CUL9: variants seen among roughly 807,000 people sequenced by gnomAD.
CUL9 encodes the protein cullin 9.
Under a neutral mutation model 272.6 loss-of-function variants are expected in CUL9, and 79 were observed. That is an observed-to-expected ratio of 0.29 (90% CI 0.24 to 0.35). CUL9 has a LOEUF of 0.35. Among genes scored for constraint, CUL9 ranks in the 10% least tolerant of loss-of-function variants. The probability of loss-of-function intolerance (pLI) is 1.00; values close to 1 mark genes in which losing one functional copy is unlikely to be tolerated. For synonymous variants in CUL9, 1,186 were observed against 1,286.5 expected (o/e 0.92, Z 1.67); for missense variants, 2,532 against 3,255.6 (o/e 0.78, Z 5.41).
chr6:43,184,419 G>A lies in CUL9; in HGVS notation c.109G>A (p.Glu37Lys), dbSNP rs1772729925. 1 of 1,613,672 alleles carries A rather than the reference G, an allele frequency of 6.2e-7. No homozygotes were observed. The highest frequency in any genetic ancestry group is 8.5e-7 in the Non-Finnish European group (1 of 1,179,856). The stretch of plus-strand genomic sequence containing the variant: ...GAGGCCTGGGCATGACGGGCATCCT[G>A]AATACCTGATCCGATGGAGTGTCCT... ...RQRPGHDGHP[E>K]YLIRWSVLKC... is the part of the protein sequence containing the mutation. The change falls in exon 2 of 41, where the codon GAA (glutamate) becomes AAA (lysine). Residue 37 changes from glutamate (E) to lysine (K), a missense_variant. By Grantham distance (56) the Glu-to-Lys change is moderately conservative (BLOSUM62 1). Around this residue, in one of 3 missense-constraint regions of CUL9, gnomAD observed 2,218 missense variants for 2,788.6 expected, o/e 0.80. Coordinates refer to ENST00000252050, the MANE Select transcript of CUL9 (RefSeq NM_015089.4). This position sits in a 1 kb window ranked among gnomAD's most constrained non-coding sequence, Gnocchi z 4.8.
Position 43,188,693 on chromosome 6 carries a change from G to C in CUL9, c.2158G>C (p.Val720Leu), listed in dbSNP as rs777266846. ...EEVTERDHPL[V>L]RPDRSLREKL... ...GGTCACTGAGCGGGACCACCCTCTG[G>C]TCCGTCCTGACAGATCGCTGAGGTT... The change falls in exon 8 of 41, where the codon GTC becomes CTC. Residue 720 changes from valine to leucine, a missense_variant. Physicochemically the swap from Val to Leu is conservative, Grantham distance 32. Around this residue, in one of 3 missense-constraint regions of CUL9, gnomAD observed 2,218 missense variants for 2,788.6 expected, o/e 0.80. Transcript: ENST00000252050. The C allele has an allele frequency of 3.7e-6, 6 of 1,613,360 alleles. No individual in the cohort carries two copies. Among genetic ancestry groups the C allele is most frequent in the Non-Finnish European group, 5.1e-6 (6 of 1,179,710 alleles).
rs1445215227 is a variant in CUL9 at position 43,186,268 on chromosome 6, C to T, written c.1064C>T (p.Thr355Ile). ...PSLLLPTIVT[T>I]PRRQGWVFRQ... ...CTTTTACTCCCCACCATTGTCACCA[C>T]CCCCAGAAGACAAGGGTGGGTCTTC... is the stretch of plus-strand genomic sequence containing the variant. Residue 355 changes from threonine (T) to isoleucine (I), a missense_variant, in exon 4 of 41, where the codon ACC (threonine) becomes ATC (isoleucine). Physicochemically the swap from Thr to Ile is moderately conservative, Grantham distance 89. Transcript: ENST00000252050. The T allele has an allele frequency of 3.1e-6, 5 of 1,614,104 alleles. No homozygotes were observed. The highest frequency in any genetic ancestry group is 4.2e-6 in the Non-Finnish European group (5 of 1,180,056).
In CUL9 at chr6:43,220,625, T is replaced by C; in HGVS notation, c.6423+26T>C. On this transcript the variant is annotated intron_variant, in intron 32 of 40. Transcript: ENST00000252050. This position sits in a 1 kb window ranked among gnomAD's most constrained non-coding sequence, Gnocchi z 4.9. The stretch of plus-strand genomic sequence containing the variant: ...GTATCCCCTCTCGTCTGAGAGAGGC[T>C]CCAGTGCAGAGCCAAAGGAGTGTGC... 4 of 1,613,080 alleles carry C rather than the reference T, an allele frequency of 2.5e-6. No individual in the cohort carries two copies. The highest frequency in any genetic ancestry group is 3.4e-6 in the Non-Finnish European group (4 of 1,179,476).
In CUL9 at chr6:43,213,857, G is replaced by A. The variant is rs376937379; in HGVS notation, c.5633G>A (p.Arg1878His). Reference sequence around the variant, plus strand: ...AATCTCTTGAGCTGTCTTCTTGTTCGTATTCTCAAAGCCCATGGGGAAAAG... The same window carrying A: ...AATCTCTTGAGCTGTCTTCTTGTTCATATTCTCAAAGCCCATGGGGAAAAG... ...KRNLLSCLLV[R>H]ILKAHGEKGL... The change falls in exon 29 of 41, where the codon CGT becomes CAT. Residue 1878 changes from arginine (R) to histidine (H), a missense_variant. Around this residue, in one of 3 missense-constraint regions of CUL9, gnomAD observed 2,218 missense variants for 2,788.6 expected, o/e 0.80. Transcript: ENST00000252050. This position sits in a 1 kb window ranked among gnomAD's most constrained non-coding sequence, Gnocchi z 5.7. The A allele has an allele frequency of 1.1e-4, 171 of 1,614,164 alleles. No individual in the cohort carries two copies. Among genetic ancestry groups the A allele is most frequent in the Non-Finnish European group, 1.3e-4 (158 of 1,180,042 alleles).
chr6:43,207,415 T>C (rs1352362995), intron 26 of CUL9, among the ~76,000 whole-genome samples: 1 of 152,228 alleles, frequency 6.6e-6, no homozygotes. Context: ...CTGATGTCTT[T>C]CACGAAACAT....
At position 43,199,561 on chromosome 6, in the gene CUL9, A is replaced by G. The variant is rs1774337753; in HGVS notation, c.3156+190A>G. On this transcript the variant is annotated intron_variant, in intron 13 of 40. Coordinates refer to ENST00000252050, the MANE Select transcript of CUL9 (RefSeq NM_015089.4). This position sits in a 1 kb window ranked among gnomAD's most constrained non-coding sequence, Gnocchi z 4.4. The stretch of plus-strand genomic sequence containing the variant: ...GGAATCTTTGAAGTATAAACCTTTT[A>G]GATGATTTTAGATTTGGAGTTTAGA... Among the ~76,000 whole-genome samples, 1 of 152,266 alleles carries G rather than the reference A, an allele frequency of 6.6e-6. No homozygotes were observed. Among genetic ancestry groups the G allele is most frequent in the South Asian group, 2.1e-4 (1 of 4,838 alleles).
Position 43,220,419 on chromosome 6 carries a change from C to T in CUL9, c.6283-40C>T. ...CAGGACACTCCCCCTGTGCTGCTCC[C>T]ACACTGTCTGTGAGCAGCCCCTCCT... is the stretch of plus-strand genomic sequence containing the variant. On this transcript the variant is annotated intron_variant, in intron 31 of 40. Transcript: ENST00000252050. This position sits in a 1 kb window ranked among gnomAD's most constrained non-coding sequence, Gnocchi z 4.9. The T allele has an allele frequency of 1.2e-6, 2 of 1,611,560 alleles. No individual in the cohort carries two copies. The highest frequency in any genetic ancestry group is 1.7e-6 in the Non-Finnish European group (2 of 1,178,460).
chr6:43,206,485 C>T lies in CUL9; in HGVS notation c.5187C>T (p.Asp1729=). Residue 1729 remains aspartate, a synonymous_variant, in exon 26 of 41, where the codon GAC becomes GAT. Transcript: ENST00000252050. This position sits in a 1 kb window ranked among gnomAD's most constrained non-coding sequence, Gnocchi z 4.8. ...CLPTEFCDAL[D]RFSSFYSQSQ... ...CCACAGAATTCTGTGATGCCCTTGA[C>T]CGTTTCTCCAGTTTCTACAGCCAGA... 1.2e-6 allele frequency: 2 copies of T among 1,614,168 alleles called. No homozygotes were observed. The highest frequency in any genetic ancestry group is 1.7e-6 in the Non-Finnish European group (2 of 1,180,030).
At chr6:43,195,703 G>A (rs1480214326) in intron 9 of CUL9, among the ~76,000 whole-genome samples, 6 of 152,144 alleles carry the variant, frequency 3.9e-5, no homozygotes, top group Admixed American at 1.3e-4. Context: ...AGCCCCTGAA[G>A]ACAACTAGAT....
chr6:43,196,630 C>T lies in CUL9; in HGVS notation c.2586-15C>T. On this transcript the variant is annotated splice_polypyrimidine_tract_variant and intron_variant, in intron 10 of 40. Transcript: ENST00000252050. ...TGGTCTCTCAGTTTCTTCCTGGTCA[C>T]CTCCCTCCTCCCAGGTGCTCTTCTG... 1 of 1,607,212 alleles carries T rather than the reference C, an allele frequency of 6.2e-7. No individual in the cohort carries two copies. Among genetic ancestry groups the T allele is most frequent in the Non-Finnish European group, 8.5e-7 (1 of 1,173,726 alleles).
Position 43,213,746 on chromosome 6 carries a change from G to A in CUL9, c.5522G>A (p.Arg1841His), listed in dbSNP as rs773057626. The A allele has an allele frequency of 4.6e-5, 74 of 1,613,682 alleles. No homozygotes were observed. The highest frequency in any genetic ancestry group is 5.9e-5 in the Non-Finnish European group (70 of 1,180,026). Residue 1841 changes from arginine (R) to histidine (H), a missense_variant, in exon 29 of 41, where the codon CGC (arginine) becomes CAC (histidine). Arg to His is a conservative substitution (Grantham distance 29). Around this residue, in one of 3 missense-constraint regions of CUL9, gnomAD observed 2,218 missense variants for 2,788.6 expected, o/e 0.80. Transcript: ENST00000252050. This position sits in a 1 kb window ranked among gnomAD's most constrained non-coding sequence, Gnocchi z 5.7. ...CGGCTTCATGAGCCTGGGCCCCAGCGCAGTGGGGAGGCCCTGTGGCTGATA... is the reference window on the plus strand; with the variant it reads ...CGGCTTCATGAGCCTGGGCCCCAGCACAGTGGGGAGGCCCTGTGGCTGATA... ...VLRLHEPGPQ[R>H]SGEALWLIPP... is the part of the protein sequence containing the mutation.
intron 29 of CUL9, 29 bp from the exon 30 acceptor site, chr6:43,215,050 G>A: frequency 6.4e-7 from 1 of 1,565,108 alleles, no homozygotes; most frequent in Non-Finnish European, 8.7e-7. Context: ...ACATAAAAGT[G>A]GACTTCTTGT....
chr6:43,224,276 C>G lies in CUL9; in HGVS notation c.7385C>G (p.Ala2462Gly). The G allele has an allele frequency of 6.2e-7, 1 of 1,614,120 alleles. No individual in the cohort carries two copies. Among genetic ancestry groups the G allele is most frequent in the Non-Finnish European group, 8.5e-7 (1 of 1,180,000 alleles). ...SQPQASSGPE[A>G]EEEEEDDEDD... ...CCCCAGGCCTCCTCAGGGCCAGAGG[C>G]AGAAGAGGAGGAGGAAGACGATGAG... The change falls in exon 41 of 41, where the codon GCA becomes GGA. Residue 2462 changes from alanine (A) to glycine (G), a missense_variant. By Grantham distance (60) the Ala-to-Gly change is moderately conservative. Around this residue, in one of 3 missense-constraint regions of CUL9, gnomAD observed 237 missense variants for 305.9 expected, o/e 0.77. Coordinates refer to ENST00000252050, the MANE Select transcript of CUL9 (RefSeq NM_015089.4). This position sits in a 1 kb window ranked among gnomAD's most constrained non-coding sequence, Gnocchi z 4.2.
chr6:43,205,183 C>T (rs909065052), intron 23 of CUL9, 68 bp downstream of exon 23: 33 of 1,585,098 alleles, frequency 2.1e-5, no homozygotes, highest in Non-Finnish European at 2.8e-5. Flanking sequence ...CTGCTCTGCC[C>T]TTTCACCTCC....
At position 43,203,713 on chromosome 6, in the gene CUL9, AC is replaced by A; in HGVS notation, c.4025+122del. 1 of 1,504,908 alleles carries A rather than the reference AC, an allele frequency of 6.6e-7. No homozygotes were observed. The highest frequency in any genetic ancestry group is 9.0e-7 in the Non-Finnish European group (1 of 1,114,716). 93.2% of individuals were successfully genotyped at this position (1,504,908 alleles called of 1,614,324 possible). ...AGCCAGGACATGAGGGGGAAGGTGA[AC>A]GTAGGTGAGAAGTTTGTGTTAATTG... On this transcript the variant is annotated intron_variant, in intron 19 of 40. Transcript: ENST00000252050. The surrounding 1 kb of genome is among the most constrained non-coding windows in gnomAD (Gnocchi z 5.0).
Position 43,203,375 on chromosome 6 carries a change from C to T in CUL9, c.3850-42C>T. The T allele has an allele frequency of 6.2e-7, 1 of 1,610,168 alleles. No individual in the cohort carries two copies. The highest frequency in any genetic ancestry group is 1.3e-5 in the African/African-American group (1 of 74,976). ...GCTTGGCTTTGGTAGTACTTAGTGG[C>T]TCAAGCGGCTTGGGTGACAGATAAG... On this transcript the variant is annotated intron_variant, in intron 18 of 40. Coordinates refer to ENST00000252050, the MANE Select transcript of CUL9 (RefSeq NM_015089.4). This position sits in a 1 kb window ranked among gnomAD's most constrained non-coding sequence, Gnocchi z 5.0.
In CUL9 at chr6:43,224,200, C is replaced by T; in HGVS notation, c.7358+32C>T. 2 of 1,614,094 alleles carry T rather than the reference C, an allele frequency of 1.2e-6. No homozygotes were observed. Among genetic ancestry groups the T allele is most frequent in the Non-Finnish European group, 1.7e-6 (2 of 1,179,932 alleles). ...GGGGTGGGCAGAGCCATGGAGGAGG[C>T]AGTGGGACATGGCAGCCTCCTCTGG... On this transcript the variant is annotated intron_variant, in intron 40 of 40. Coordinates refer to ENST00000252050, the MANE Select transcript of CUL9 (RefSeq NM_015089.4). The surrounding 1 kb of genome is among the most constrained non-coding windows in gnomAD (Gnocchi z 4.2).
Position 43,203,862 on chromosome 6 carries a change from G to A in CUL9, c.4034G>A (p.Arg1345Lys), listed in dbSNP as rs1338431760. 8 of 1,611,302 alleles carry A rather than the reference G, an allele frequency of 5.0e-6. No homozygotes were observed. Among genetic ancestry groups the A allele is most frequent in the Non-Finnish European group, 6.8e-6 (8 of 1,178,240 alleles). The change falls in exon 20 of 41, where the codon AGG (arginine) becomes AAG (lysine). Residue 1345 changes from arginine (R) to lysine (K), a missense_variant. Arg to Lys is a conservative substitution (Grantham distance 26). This residue lies in a region of CUL9 where 2,218 missense variants were observed against 2,788.6 expected (regional missense o/e 0.80). Coordinates refer to ENST00000252050, the MANE Select transcript of CUL9 (RefSeq NM_015089.4). This position sits in a 1 kb window ranked among gnomAD's most constrained non-coding sequence, Gnocchi z 5.0. ...GCACTGTTTGTTCCCAGACTGAACA[G>A]GGTTTTGCGCCACGAGCAGAATTTT... ...RLLQLCPRLN[R>K]VLRHEQNFAD...
intron 26 of CUL9, among the ~76,000 whole-genome samples, chr6:43,207,389 C>G (rs1043313649): frequency 6.6e-6 from 1 of 152,140 alleles, no homozygotes; most frequent in African/African-American, 2.4e-5. Context: ...TGGAATCATA[C>G]AGTATTCTGC....
Sources: allele counts gnomAD v4.1 joint callset (sites outside exome capture counted in the v4.1 genomes callset), GRCh38; gene constraint gnomAD v4.1.1; regional missense constraint gnomAD v4.1.1; non-coding constraint Gnocchi (gnomAD v3.1); transcripts MANE v1.5; gene names NCBI Gene and HGNC (gene_info 2026-07-23, HGNC 2026-07-21).